The following SEMA5A variants were observed in gnomAD, a reference collection of about 807,000 sequenced individuals.
SEMA5A encodes the protein semaphorin-5A.
A neutral mutation model predicts 135.5 loss-of-function variants in SEMA5A; 55 were observed. The observed-to-expected ratio is 0.41, with a 90% CI of 0.33 to 0.51. The LOEUF (loss-of-function observed/expected upper bound fraction) is 0.51, where lower values mean the gene tolerates loss of function less well. Ranked by LOEUF, SEMA5A falls within the 20% of genes least tolerant of loss-of-function variation. The pLI is 0.37. For synonymous variants in SEMA5A, 580 were observed against 546.5 expected, an observed-to-expected ratio of 1.06 and a Z score of -0.85; for missense variants, 1,290 against 1,419.9, an observed-to-expected ratio of 0.91 and a Z score of 1.47.
chr5:9,269,199 T>C (rs564621011), intron 5 of SEMA5A, among the ~76,000 whole-genome samples: 154 of 152,230 alleles, frequency 1.0e-3, no homozygotes, highest in African/African-American at 3.6e-3. Context: ...AACAAATTAC[T>C]GAGACTAGCA....
At chr5:9,167,981 C>T (rs961715055) in intron 11 of SEMA5A, among the ~76,000 whole-genome samples, 1 of 152,060 alleles carries the variant, frequency 6.6e-6, no homozygotes, top group Non-Finnish European at 1.5e-5. Context: ...TGGTTATTGC[C>T]AAGAAATAGC....
At chr5:9,431,024 A>G (rs1757839421) in intron 2 of SEMA5A, among the ~76,000 whole-genome samples, 1 of 152,190 alleles carries the variant, frequency 6.6e-6, no homozygotes, top group South Asian at 2.1e-4. Flanking sequence ...TAACTGCTTA[A>G]GTACTGTAGG....
intron 5 of SEMA5A, among the ~76,000 whole-genome samples, chr5:9,286,245 A>G (rs1189874557): frequency 3.9e-5 from 6 of 152,194 alleles, no homozygotes; most frequent in Admixed American, 1.3e-4. Context: ...ATGAGCCTCT[A>G]TTTGATAATA....
chr5:9,528,246 G>A (rs1325611822), intron 1 of SEMA5A, among the ~76,000 whole-genome samples: 1 of 152,110 alleles, frequency 6.6e-6, no homozygotes, highest in Non-Finnish European at 1.5e-5. Flanking sequence ...TTCTTCCCAT[G>A]GTCTTTTTAG....
At chr5:9,150,139 T>C (rs1742554232) in intron 12 of SEMA5A, among the ~76,000 whole-genome samples, 1 of 152,152 alleles carries the variant, frequency 6.6e-6, no homozygotes, top group African/African-American at 2.4e-5. Context: ...ACTTCCAGCC[T>C]TTTCCCACTT....
At chr5:9,509,710 T>C (rs1208774707) in intron 1 of SEMA5A, among the ~76,000 whole-genome samples, 1 of 152,198 alleles carries the variant, frequency 6.6e-6, no homozygotes, top group Non-Finnish European at 1.5e-5. Context: ...AGCCTCAGAA[T>C]TTCATCTTAA....
intron 1 of SEMA5A, among the ~76,000 whole-genome samples, chr5:9,540,854 T>C (rs566814149): frequency 3.3e-5 from 5 of 152,276 alleles, no homozygotes; most frequent in Non-Finnish European, 7.3e-5. Context: ...TCTCCGGTTT[T>C]GTTTTGTTTT....
chr5:9,247,224 T>C (rs578047726), intron 5 of SEMA5A, among the ~76,000 whole-genome samples: 1 of 152,324 alleles, frequency 6.6e-6, no homozygotes, highest in African/African-American at 2.4e-5. Context: ...ATTTGTGATT[T>C]TGTGTGTTAG....
intron 3 of SEMA5A, among the ~76,000 whole-genome samples, chr5:9,341,645 CTA>C (rs995265563): frequency 3.7e-5 from 5 of 136,966 alleles, no homozygotes; most frequent in Admixed American, 3.2e-4. Context: ...GCCAATATGA[CTA>C]TATATATATA....
In SEMA5A at chr5:9,037,436, A is replaced by G. The variant is rs1436165912; in HGVS notation, c.*5461T>C. ...GCTTGCAATGTGAACTCTATTTTCAAAAGTGGATAGGATTCCCTTCCTCAT... is the reference window on the plus strand; with the variant it reads ...GCTTGCAATGTGAACTCTATTTTCAGAAGTGGATAGGATTCCCTTCCTCAT... On this transcript the variant is annotated 3_prime_UTR_variant, in exon 23 of 23. Coordinates refer to ENST00000382496, the MANE Select transcript of SEMA5A (RefSeq NM_003966.3). 6.6e-6 allele frequency: 1 copy of G among 152,204 alleles called. No homozygotes were observed. Among genetic ancestry groups the G allele is most frequent in the Non-Finnish European group, 1.5e-5 (1 of 68,028 alleles). The allele number at this position is 152,204 out of a possible 1,614,324, so 9.4% of individuals were successfully genotyped here.
intron 3 of SEMA5A, among the ~76,000 whole-genome samples, chr5:9,355,807 G>A (rs928766233): frequency 1.3e-5 from 2 of 152,154 alleles, no homozygotes; most frequent in African/African-American, 2.4e-5. Context: ...GAAGAAAGAT[G>A]TGTGGAGTGT....
intron 5 of SEMA5A, among the ~76,000 whole-genome samples, chr5:9,291,340 C>A (rs986447295): frequency 2.9e-4 from 44 of 152,182 alleles, no homozygotes; most frequent in Admixed American, 1.2e-3. Context: ...CAACTGGAGT[C>A]TATTTCTCTA....
chr5:9,252,493 C>A (rs951281004), intron 5 of SEMA5A, among the ~76,000 whole-genome samples: 4 of 152,138 alleles, frequency 2.6e-5, no homozygotes, highest in African/African-American at 9.7e-5. Flanking sequence ...TAACCTGACA[C>A]ATTATATGTG....
chr5:9,233,579 G>GCAGCTT (rs1747748029), intron 6 of SEMA5A, among the ~76,000 whole-genome samples: 1 of 152,034 alleles, frequency 6.6e-6, no homozygotes, highest in South Asian at 2.1e-4. Flanking sequence ...CAAGGGCTTG[G>GCAGCTT]CAGCTTCAGT....
intron 5 of SEMA5A, among the ~76,000 whole-genome samples, chr5:9,297,821 C>A (rs1751417050): frequency 6.6e-6 from 1 of 151,988 alleles, no homozygotes; most frequent in Non-Finnish European, 1.5e-5. Flanking sequence ...CTTGGCCACC[C>A]AAATCACTGG....
intron 5 of SEMA5A, among the ~76,000 whole-genome samples, chr5:9,290,107 A>G: frequency 6.6e-6 from 1 of 152,136 alleles, no homozygotes; most frequent in East Asian, 1.9e-4. Flanking sequence ...GGTTATATGA[A>G]TAAGTTTTTT....
chr5:9,430,270 G>C (rs1275996781), intron 2 of SEMA5A, among the ~76,000 whole-genome samples: 1 of 152,184 alleles, frequency 6.6e-6, no homozygotes, highest in Non-Finnish European at 1.5e-5. Flanking sequence ...GGGGAGAAAA[G>C]AGTTCAGTTT....
chr5:9,533,483 T>C (rs1737573741), intron 1 of SEMA5A, among the ~76,000 whole-genome samples: 1 of 152,246 alleles, frequency 6.6e-6, no homozygotes, highest in African/African-American at 2.4e-5. Context: ...ATATTGTATA[T>C]TTTAGGTATA....
intron 5 of SEMA5A, among the ~76,000 whole-genome samples, chr5:9,300,518 A>G (rs1459652343): frequency 6.6e-6 from 1 of 152,240 alleles, no homozygotes; most frequent in Non-Finnish European, 1.5e-5. Context: ...ATGGGTAGGT[A>G]GAATCTCTTC....
Sources: gnomAD v4.1 joint callset for allele counts (sites outside exome capture counted in the v4.1 genomes callset) on GRCh38, gnomAD v4.1.1 for gene constraint, MANE v1.5 for transcripts, NCBI Gene and HGNC (gene_info 2026-07-23, HGNC 2026-07-21) for gene names.